AASS: variants seen among roughly 807,000 people sequenced by gnomAD.
The protein encoded by AASS is alpha-aminoadipic semialdehyde synthase, mitochondrial.
AASS carries 86 observed loss-of-function variants against 105.4 expected under a neutral mutation model. The ratio of observed to expected loss-of-function variants is 0.82; its 90% CI spans 0.69 to 0.98. AASS has a LOEUF of 0.98. AASS is among the 50% of genes least tolerant of loss of function. AASS has a pLI of 0.00. For missense variants in AASS, 1,048 were observed against 1,143.2 expected, an observed-to-expected ratio of 0.92 and a Z score of 1.20; for synonymous variants, 381 against 394.8, an observed-to-expected ratio of 0.96 and a Z score of 0.41.
At chr7:122,084,727 C>G (rs931207901) in intron 19 of AASS, among the ~76,000 whole-genome samples, 1 of 151,914 alleles carries the variant, frequency 6.6e-6, no homozygotes, top group Non-Finnish European at 1.5e-5. Flanking sequence ...GATAAGAGAA[C>G]GACAGAAAAG....
chr7:122,126,330 C>T (rs1473719699), intron 4 of AASS, 45 bp downstream of exon 4: 5 of 1,554,838 alleles, frequency 3.2e-6, no homozygotes, highest in Non-Finnish European at 4.4e-6. Flanking sequence ...AGTTATTCCC[C>T]AAGCCAATTT....
chr7:122,082,180 T>C (rs1206371), intron 19 of AASS, among the ~76,000 whole-genome samples: 15,731 of 152,208 alleles, frequency 0.1, 1,142 homozygotes, highest in African/African-American at 0.2. Flanking sequence ...ATCATCACTC[T>C]GATAAAAATT....
chr7:122,087,690 CA>C (rs1793692563), intron 18 of AASS, among the ~76,000 whole-genome samples: 2 of 152,136 alleles, frequency 1.3e-5, no homozygotes, highest in Admixed American at 6.6e-5. Flanking sequence ...AGCAAGACAC[CA>C]TCTCTTAAAA....
chr7:122,140,743 T>C (rs369510832), intron 1 of AASS, among the ~76,000 whole-genome samples: 4 of 151,864 alleles, frequency 2.6e-5, no homozygotes, highest in South Asian at 2.1e-4. Flanking sequence ...GAATGACAAA[T>C]TATTTGCAAT....
chr7:122,091,089 G>GA (rs1284106839), intron 18 of AASS, among the ~76,000 whole-genome samples: 1 of 151,996 alleles, frequency 6.6e-6, no homozygotes, highest in South Asian at 2.1e-4. Context: ...GGCAAAAGGA[G>GA]AAAAAAAGCC....
intron 4 of AASS, among the ~76,000 whole-genome samples, chr7:122,122,236 G>T (rs189562233): frequency 3.9e-5 from 6 of 152,036 alleles, no homozygotes; most frequent in African/African-American, 1.4e-4. Flanking sequence ...GGAATGTTCC[G>T]GTCATGATTT....
At chr7:122,118,796 A>G (rs1795312539) in intron 4 of AASS, among the ~76,000 whole-genome samples, 166 bp from the exon 5 acceptor site, 1 of 152,190 alleles carries the variant, frequency 6.6e-6, no homozygotes, top group Non-Finnish European at 1.5e-5. Context: ...ACTTTCTGCC[A>G]TCAAATGCAC....
At chr7:122,134,820 C>A (rs1451021112) in intron 1 of AASS, among the ~76,000 whole-genome samples, 1 of 152,136 alleles carries the variant, frequency 6.6e-6, no homozygotes, top group Non-Finnish European at 1.5e-5. Flanking sequence ...AAGACACATG[C>A]ACATGTATAT....
intron 18 of AASS, among the ~76,000 whole-genome samples, chr7:122,087,087 C>T (rs1330121840): frequency 6.6e-6 from 1 of 152,074 alleles, no homozygotes; most frequent in African/African-American, 2.4e-5. Context: ...CTTATTGTAC[C>T]ACTGGAAACA....
chr7:122,143,710 C>T (rs1168663918), intron 1 of AASS, among the ~76,000 whole-genome samples: 1 of 151,960 alleles, frequency 6.6e-6, no homozygotes, highest in African/African-American at 2.4e-5. Context: ...AAATCTCCAT[C>T]CACCGCCCCC....
At chr7:122,131,668 C>A (rs1795924253) in intron 2 of AASS, among the ~76,000 whole-genome samples, 1 of 151,866 alleles carries the variant, frequency 6.6e-6, no homozygotes, top group African/African-American at 2.4e-5. Flanking sequence ...AAACTCTGTA[C>A]ACTAATAGAG....
intron 21 of AASS, 151 bp from the exon 22 acceptor site, chr7:122,079,101 CAATAACAATAGCAATGTTTT>C: frequency 1.3e-6 from 2 of 1,535,850 alleles, no homozygotes; most frequent in East Asian, 2.4e-5. Flanking sequence ...TGTAAAATAA[CAATAACAATAGCAATGTTTT>C]AACCTTCAGA....
intron 11 of AASS, among the ~76,000 whole-genome samples, chr7:122,103,049 A>C (rs1270145174): frequency 2.0e-5 from 3 of 152,068 alleles, no homozygotes; most frequent in African/African-American, 7.2e-5. Context: ...AAATTAGTGA[A>C]TATAAGTTTT....
rs1398628773 is a variant in AASS at position 122,115,153 on chromosome 7, G to A, written c.964C>T (p.Arg322Cys). ...WEQNTPRLLTRQDAQSLLAPG... is the reference protein window; with the variant it reads ...WEQNTPRLLTCQDAQSLLAPG... ...GCCAGGAGACTCTGAGCATCTTGGC[G>A]GGTTAGGAGGCGAGGAGTGTTTTGT... Residue 322 changes from arginine (R) to cysteine (C), a missense_variant, in exon 9 of 24, where the codon CGC becomes TGC. Transcript: ENST00000417368. 2.5e-6 allele frequency: 4 copies of A among 1,614,018 alleles called. No individual in the cohort carries two copies. The highest frequency in any genetic ancestry group is 1.3e-5 in the African/African-American group (1 of 74,924).
rs1259379164 is a variant in AASS, at chr7:122,075,432, C to G, written c.*1057G>C. Among the ~76,000 whole-genome samples, 1 of 152,004 alleles carries G rather than the reference C, an allele frequency of 6.6e-6. No homozygotes were observed. Among genetic ancestry groups the G allele is most frequent in the Non-Finnish European group, 1.5e-5 (1 of 68,016 alleles). ...GATGACTTTTATTTTATTTTCTTGCCTAATTGCCCTTTCTTGACTGTCCAG... is the reference window on the plus strand; with the variant it reads ...GATGACTTTTATTTTATTTTCTTGCGTAATTGCCCTTTCTTGACTGTCCAG... On this transcript the variant is annotated 3_prime_UTR_variant, in exon 24 of 24. Transcript: ENST00000417368.
rs1030333388 is a variant in AASS at position 122,076,106 on chromosome 7, G to A, written c.*383C>T. The A allele has an allele frequency of 1.1e-4, 21 of 192,324 alleles. No homozygotes were observed. The highest frequency in any genetic ancestry group is 1.8e-4 in the Non-Finnish European group (17 of 93,040). 11.9% of individuals were successfully genotyped at this position (192,324 alleles called of 1,614,324 possible). ...GGAGAATGGCGTGAACCCAGGAGGC[G>A]GAGCTTGCAGTGAGCCGAGATCGCG... On this transcript the variant is annotated 3_prime_UTR_variant, in exon 24 of 24. Transcript: ENST00000417368.
In AASS at chr7:122,098,766, C is replaced by T; in HGVS notation, c.1507G>A (p.Gly503Ser). The change falls in exon 14 of 24, where the codon GGC becomes AGC. Residue 503 changes from glycine to serine, a missense_variant. By Grantham distance (56) the Gly-to-Ser change is moderately conservative. Transcript: ENST00000417368. ...TTACCTACTGTTATTTCTATATTGCCATCTCTTGATAAATATTCTAATACA... is the reference window on the plus strand; with the variant it reads ...TTACCTACTGTTATTTCTATATTGCTATCTCTTGATAAATATTCTAATACA... ...EPVLEYLSRD[G>S]NIEITVGSDM... is the part of the protein sequence containing the mutation. 6.2e-7 allele frequency: 1 copy of T among 1,605,814 alleles called. No homozygotes were observed. Among genetic ancestry groups the T allele is most frequent in the Non-Finnish European group, 8.5e-7 (1 of 1,175,914 alleles).
rs1795107143 is a variant in AASS, at chr7:122,115,142, A to G, written c.975T>C (p.Ala325=). 1 of 1,614,050 alleles carries G rather than the reference A, an allele frequency of 6.2e-7. No homozygotes were observed. Among genetic ancestry groups the G allele is most frequent in the Non-Finnish European group, 8.5e-7 (1 of 1,180,032 alleles). The change falls in exon 9 of 24, where the codon GCT becomes GCC. Residue 325 remains alanine (A), a synonymous_variant. Transcript: ENST00000417368. ...NTPRLLTRQD[A]QSLLAPGKFS... is the part of the protein sequence containing the mutation. ...ACTTGCCCGGAGCCAGGAGACTCTG[A>G]GCATCTTGGCGGGTTAGGAGGCGAG...
chr7:122,127,937 G>T (rs1044096091), intron 3 of AASS, among the ~76,000 whole-genome samples: 1 of 152,100 alleles, frequency 6.6e-6, no homozygotes, highest in Non-Finnish European at 1.5e-5. Context: ...ATGTCTAATA[G>T]AATATTAAAC....
Sources: gnomAD v4.1 joint callset for allele counts (sites outside exome capture counted in the v4.1 genomes callset) on GRCh38, gnomAD v4.1.1 for gene constraint, MANE v1.5 for transcripts, NCBI Gene and HGNC (gene_info 2026-07-23, HGNC 2026-07-21) for gene names.